WIPI1: variants seen among roughly 807,000 people sequenced by gnomAD.
The protein encoded by WIPI1 is WD repeat domain phosphoinositide-interacting protein 1.
WIPI1 carries 45 observed loss-of-function variants against 55.3 expected under a neutral mutation model. That is an observed-to-expected ratio of 0.81 (90% CI 0.64 to 1.04). The LOEUF (loss-of-function observed/expected upper bound fraction) is 1.04, where lower values mean the gene tolerates loss of function less well. Among genes scored for constraint, WIPI1 ranks in the 50% least tolerant of loss-of-function variants. The pLI is 0.00. For missense variants in WIPI1, 445 were observed against 559.0 expected, an observed-to-expected ratio of 0.80 and a Z score of 2.06; for synonymous variants, 195 against 217.6, an observed-to-expected ratio of 0.90 and a Z score of 0.92.
intron 2 of WIPI1, among the ~76,000 whole-genome samples, chr17:68,452,165 T>C (rs1238845419): frequency 2.0e-5 from 3 of 152,366 alleles, no homozygotes; most frequent in Non-Finnish European, 2.9e-5. Flanking sequence ...TTCAACATCA[T>C]TGACATGGGC....
chr17:68,424,215 GAT>G (rs1435687125), intron 12 of WIPI1, among the ~76,000 whole-genome samples: 2 of 152,202 alleles, frequency 1.3e-5, no homozygotes, highest in African/African-American at 4.8e-5. Context: ...CCGCCACTGA[GAT>G]ATAAACTTCA....
At chr17:68,445,132 CTGG>C (rs2084233289) in intron 3 of WIPI1, among the ~76,000 whole-genome samples, 1 of 152,116 alleles carries the variant, frequency 6.6e-6, no homozygotes, top group South Asian at 2.1e-4. Flanking sequence ...GTTGATCAGG[CTGG>C]TCTCGAACTC....
intron 4 of WIPI1, among the ~76,000 whole-genome samples, chr17:68,442,500 G>T (rs1003814539): frequency 6.6e-6 from 1 of 151,228 alleles, no homozygotes; most frequent in Non-Finnish European, 1.5e-5. Flanking sequence ...ACATCTGTTT[G>T]CAAGGGAGGG....
At chr17:68,426,006 C>T (rs1358217984) in intron 12 of WIPI1, 69 bp downstream of exon 12, 14 of 1,235,042 alleles carry the variant, frequency 1.1e-5, no homozygotes, top group African/African-American at 3.0e-5. Flanking sequence ...CTCTGCCTCT[C>T]GTATGAGGCG....
intron 8 of WIPI1, among the ~76,000 whole-genome samples, chr17:68,432,246 G>T (rs2083563003): frequency 6.6e-6 from 1 of 152,080 alleles, no homozygotes; most frequent in East Asian, 1.9e-4. Flanking sequence ...AGAGATGAGG[G>T]GACGTCAGTC....
intron 11 of WIPI1, 79 bp from the exon 12 acceptor site, chr17:68,426,254 G>GGCCC: frequency 1.2e-6 from 1 of 816,920 alleles, no homozygotes; most frequent in East Asian, 3.5e-5. Flanking sequence ...GGGAGCGGGG[G>GGCCC]CTCAAATAAA....
At chr17:68,447,678 T>C (rs930628228) in intron 3 of WIPI1, among the ~76,000 whole-genome samples, 7 of 152,254 alleles carry the variant, frequency 4.6e-5, no homozygotes, top group Non-Finnish European at 1.0e-4. Flanking sequence ...CTTGGCCCTT[T>C]CCTTCCTATA....
At chr17:68,445,986 C>T (rs1187017628) in intron 3 of WIPI1, among the ~76,000 whole-genome samples, 30 of 152,150 alleles carry the variant, frequency 2.0e-4, no homozygotes. Flanking sequence ...TCAAGAACCA[C>T]TGGTCTCAGC....
At position 68,426,242 on chromosome 17, in the gene WIPI1, T is replaced by TGGGGGGGGGGG. The variant is rs754701731; in HGVS notation, c.1193-68_1193-67insCCCCCCCCCCC. The stretch of plus-strand genomic sequence containing the variant: ...TGCTTTTATGCCATGACCTGGCGGG[T>TGGGGGGGGGGG]GGGGAGCGGGGGCTCAAATAAAGGG... On this transcript the variant is annotated intron_variant, in intron 11 of 12. Coordinates refer to ENST00000262139, the MANE Select transcript of WIPI1 (RefSeq NM_017983.7). 87 of 682,704 alleles carry TGGGGGGGGGGG rather than the reference T, an allele frequency of 1.3e-4. 18 individuals carry two copies. Among genetic ancestry groups the TGGGGGGGGGGG allele is most frequent in the Admixed American group, 2.8e-4 (7 of 25,184 alleles). The allele number at this position is 682,704 out of a possible 1,614,324, so 42.3% of individuals were successfully genotyped here. A position where few individuals can be genotyped will look rare whatever the true frequency, so the allele number is the denominator to read the frequency against.
Position 68,423,088 on chromosome 17 carries a change from A to G in WIPI1, c.1294-1268T>C, listed in dbSNP as rs11658979. Among the ~76,000 whole-genome samples the G allele has an allele frequency of 0.21, 32,641 of 152,140 alleles. 4,419 individuals carry two copies. The highest frequency in any genetic ancestry group is 0.3 in the Non-Finnish European group (20,349 of 67,986). Reference sequence around the variant, plus strand: ...TGTAGCAGACTACTCAGGCAAGCCTATGTTTGTTCGTCACTACAAGAGAGG... The same window carrying G: ...TGTAGCAGACTACTCAGGCAAGCCTGTGTTTGTTCGTCACTACAAGAGAGG... On this transcript the variant is annotated intron_variant, in intron 12 of 12. Transcript: ENST00000262139. The surrounding 1 kb of genome is among the most constrained non-coding windows in gnomAD (Gnocchi z 4.4).
rs1168595596 is a variant in WIPI1, at chr17:68,430,001, G to A, written c.960C>T (p.Leu320=). The change falls in exon 9 of 13, where the codon CTC becomes CTT. Residue 320 remains leucine, a synonymous_variant. Transcript: ENST00000262139. ...NFSGQRNICT[L]STIQKLPRLL... The stretch of plus-strand genomic sequence containing the variant: ...GTGGGTGTCATTGTACGTACGTTGA[G>A]AGGGTACAGATGTTCCTCTGTCCGG... The A allele has an allele frequency of 1.9e-6, 3 of 1,613,990 alleles. No individual in the cohort carries two copies. Among genetic ancestry groups the A allele is most frequent in the African/African-American group, 2.7e-5 (2 of 74,938 alleles).
intron 1 of WIPI1, among the ~76,000 whole-genome samples, chr17:68,454,890 G>C (rs2084607173): frequency 1.2e-5 from 1 of 86,152 alleles, no homozygotes; most frequent in African/African-American, 3.4e-5. Context: ...AAATCACAGA[G>C]TGATGTTTTA....
intron 3 of WIPI1, among the ~76,000 whole-genome samples, chr17:68,447,187 A>G (rs1336388772): frequency 6.6e-6 from 1 of 152,210 alleles, no homozygotes; most frequent in Non-Finnish European, 1.5e-5. Flanking sequence ...CTTCGAGCCA[A>G]TCAGCCTCCA....
chr17:68,444,114 A>C (rs1165891170), intron 4 of WIPI1, among the ~76,000 whole-genome samples: 1 of 152,226 alleles, frequency 6.6e-6, no homozygotes, highest in Non-Finnish European at 1.5e-5. Context: ...CCAAGTTGAA[A>C]CCTGCTTCTA....
intron 10 of WIPI1, 117 bp downstream of exon 10, chr17:68,428,712 G>T: frequency 1.3e-6 from 1 of 766,850 alleles, no homozygotes; most frequent in Non-Finnish European, 2.2e-6. Flanking sequence ...TTGCCACTGA[G>T]ACTGCCAGTG....
At chr17:68,432,839 C>G (rs1215332113) in intron 8 of WIPI1, among the ~76,000 whole-genome samples, 1 of 152,216 alleles carries the variant, frequency 6.6e-6, no homozygotes, top group African/African-American at 2.4e-5. Context: ...CTGGGGGCTG[C>G]TCCTTTCTCA....
Position 68,429,987 on chromosome 17 carries a change from T to C in WIPI1, c.965+9A>G. The C allele has an allele frequency of 6.2e-7, 1 of 1,614,054 alleles. No individual in the cohort carries two copies. Among genetic ancestry groups the C allele is most frequent in the Non-Finnish European group, 8.5e-7 (1 of 1,179,960 alleles). On this transcript the variant is annotated intron_variant, in intron 9 of 12. Transcript: ENST00000262139. Reference sequence around the variant, plus strand: ...TGGTCTTGTTCAGAGTGGGTGTCATTGTACGTACGTTGAGAGGGTACAGAT... The same window carrying C: ...TGGTCTTGTTCAGAGTGGGTGTCATCGTACGTACGTTGAGAGGGTACAGAT...
rs1398145285 is a variant in WIPI1, at chr17:68,433,488, CT to C, written c.779del (p.Lys260SerfsTer38). The C allele has an allele frequency of 6.2e-7, 1 of 1,613,924 alleles. No homozygotes were observed. On this transcript the variant is annotated frameshift_variant, in exon 8 of 13. Transcript: ENST00000262139. LOFTEE classifies it high-confidence loss of function. ...CTTGCCTGTTGGTGACCTGTTCCAGCTTGAAGATGTGTACCGTCTCGGTGTT... is the reference window on the plus strand; with the variant it reads ...CTTGCCTGTTGGTGACCTGTTCCAGCTGAAGATGTGTACCGTCTCGGTGTT... ...SSNTETVHIFKLEQVTNSRPE... is the reference protein window; with the variant it reads ...SSNTETVHIFXLEQVTNSRPE...
At chr17:68,435,788 T>TTTTCTCC (rs1321855735) in intron 5 of WIPI1, 76 bp from the exon 6 acceptor site, 2 of 1,346,742 alleles carry the variant, frequency 1.5e-6, no homozygotes, top group Non-Finnish European at 2.1e-6. Context: ...CCCCTTCCTC[T>TTTTCTCC]TTTCTCCTTT....
Sources: gnomAD v4.1 joint callset for allele counts (sites outside exome capture counted in the v4.1 genomes callset) on GRCh38, gnomAD v4.1.1 for gene constraint, Gnocchi (gnomAD v3.1) non-coding constraint, MANE v1.5 for transcripts, NCBI Gene and HGNC (gene_info 2026-07-23, HGNC 2026-07-21) for gene names.